The following TECRL variants were observed in gnomAD, a reference collection of about 807,000 sequenced individuals.
The protein encoded by TECRL is trans-2,3-enoyl-CoA reductase like.
A neutral mutation model predicts 52.8 loss-of-function variants in TECRL; 63 were observed. The ratio of observed to expected loss-of-function variants is 1.19; its 90% confidence interval spans 0.97 to 1.47. The LOEUF is 1.47. Ranked by LOEUF, TECRL falls within the 40% of genes most tolerant of loss-of-function variation. The pLI is 0.00. For synonymous variants in TECRL, 164 were observed against 141.9 expected, an observed-to-expected ratio of 1.16 and a Z score of -1.10; for missense variants, 482 against 429.6, an observed-to-expected ratio of 1.12 and a Z score of -1.08.
At chr4:64,313,522 C>G (rs1254254667) in intron 5 of TECRL, among the ~76,000 whole-genome samples, 7 of 146,750 alleles carry the variant, frequency 4.8e-5, no homozygotes, top group Non-Finnish European at 7.5e-5. Flanking sequence ...TTCTCTGTCC[C>G]CCAGGCCGGA....
chr4:64,340,432 C>A (rs1362499094), intron 2 of TECRL, among the ~76,000 whole-genome samples: 1 of 152,242 alleles, frequency 6.6e-6, no homozygotes, highest in African/African-American at 2.4e-5. Flanking sequence ...CTTCTCTCTG[C>A]TCTCAGTGCC....
rs540967360 is a variant in TECRL, at chr4:64,377,551, A to G, written c.235-2328T>C. ...GGAGTTATCTGAAACCCTACATTTG[A>G]AACCTTAATATTCCCTTCATTAATG... On this transcript the variant is annotated intron_variant, in intron 1 of 11. Coordinates refer to ENST00000381210, the MANE Select transcript of TECRL (RefSeq NM_001010874.5). 9.5e-4 allele frequency among the ~76,000 whole-genome samples: 144 copies of G among 152,186 alleles called. 1 individual carries two copies. The highest frequency in any genetic ancestry group is 3.3e-3 in the African/African-American group (139 of 41,578).
At chr4:64,395,596 A>G (rs1009411601) in intron 1 of TECRL, among the ~76,000 whole-genome samples, 1 of 152,206 alleles carries the variant, frequency 6.6e-6, no homozygotes, top group Non-Finnish European at 1.5e-5. Context: ...CAAAACCATA[A>G]AAAGGGCAAA....
At chr4:64,309,746 G>T (rs1577845867) in intron 6 of TECRL, 80 bp downstream of exon 6, 2 of 927,928 alleles carry the variant, frequency 2.2e-6, no homozygotes, top group East Asian at 2.5e-5. Flanking sequence ...GTTTCGGAAG[G>T]AAACAATGAT....
chr4:64,283,307 A>T (rs1905396), intron 9 of TECRL, among the ~76,000 whole-genome samples: 151,997 of 152,134 alleles, frequency 1, 75,930 homozygotes, highest in Non-Finnish European at 1. Flanking sequence ...GGCATTTGCA[A>T]TCCAGAAAAC....
At chr4:64,316,560 G>A (rs905711909) in intron 4 of TECRL, among the ~76,000 whole-genome samples, 1 of 151,958 alleles carries the variant, frequency 6.6e-6, no homozygotes, top group African/African-American at 2.4e-5. Context: ...AGAAAATAAG[G>A]GCTAGATAGA....
At chr4:64,300,918 T>C (rs1723982954) in intron 7 of TECRL, among the ~76,000 whole-genome samples, 1 of 151,066 alleles carries the variant, frequency 6.6e-6, no homozygotes, top group Non-Finnish European at 1.5e-5. Context: ...GTCACTTTAA[T>C]TTTATGTGTG....
intron 2 of TECRL, among the ~76,000 whole-genome samples, chr4:64,341,979 G>A (rs1343067286): frequency 6.6e-6 from 1 of 152,088 alleles, no homozygotes; most frequent in African/African-American, 2.4e-5. Context: ...GTTTCCCTTC[G>A]AGGTGTGGGA....
chr4:64,356,294 A>G (rs75411131), intron 2 of TECRL, among the ~76,000 whole-genome samples: 2,116 of 152,166 alleles, frequency 0.014, 40 homozygotes, highest in African/African-American at 0.047. Context: ...CCCAACACCC[A>G]TGAAGAGTCT....
chr4:64,389,916 T>G (rs1723430964), intron 1 of TECRL, among the ~76,000 whole-genome samples: 1 of 151,900 alleles, frequency 6.6e-6, no homozygotes, highest in Non-Finnish European at 1.5e-5. Flanking sequence ...ACATTGGACT[T>G]AGCTTTTTGG....
chr4:64,376,200 G>A (rs945820708), intron 1 of TECRL, among the ~76,000 whole-genome samples: 7 of 151,598 alleles, frequency 4.6e-5, no homozygotes, highest in Non-Finnish European at 8.9e-5. Context: ...AACATATTTC[G>A]CCTTCTACTT....
At chr4:64,351,068 C>A in intron 2 of TECRL, among the ~76,000 whole-genome samples, 1 of 53,656 alleles carries the variant, frequency 1.9e-5, no homozygotes, top group Non-Finnish European at 5.3e-5. Flanking sequence ...ACAGTTCTCA[C>A]TCATATTTAG....
chr4:64,378,122 A>T (rs992955301), intron 1 of TECRL, among the ~76,000 whole-genome samples: 1 of 152,154 alleles, frequency 6.6e-6, no homozygotes, highest in Non-Finnish European at 1.5e-5. Flanking sequence ...GCAGACACAG[A>T]TACACAGAGA....
chr4:64,282,042 T>C (rs1722855329), intron 9 of TECRL, among the ~76,000 whole-genome samples: 3 of 152,076 alleles, frequency 2.0e-5, no homozygotes, highest in South Asian at 4.1e-4. Flanking sequence ...AGATGTCATT[T>C]ATACCAGAAA....
chr4:64,390,673 T>C (rs1272920978), intron 1 of TECRL, among the ~76,000 whole-genome samples: 2 of 151,800 alleles, frequency 1.3e-5, no homozygotes, highest in Non-Finnish European at 3.0e-5. Flanking sequence ...TTATTAATTA[T>C]ATTGTCCAAG....
chr4:64,322,854 A>T lies in TECRL; in HGVS notation c.332-62T>A, dbSNP rs1329269300. The T allele has an allele frequency of 4.0e-6, 5 of 1,237,340 alleles. No homozygotes were observed. In the Admixed American group the frequency reaches 1.1e-4, roughly 28 times the overall value. 76.6% of individuals were successfully genotyped at this position (1,237,340 alleles called of 1,614,324 possible). ...CAATTTCTTAGCATAACGATAAAGA[A>T]TTTCTTAGTGTAAAATCAGTAAAAG... is the stretch of plus-strand genomic sequence containing the variant. On this transcript the variant is annotated intron_variant, in intron 3 of 11. Transcript: ENST00000381210.
Position 64,375,242 on chromosome 4 carries a change from TAG to T in TECRL, c.235-21_235-20del, listed in dbSNP as rs747071359. 49 of 1,298,372 alleles carry T rather than the reference TAG, an allele frequency of 3.8e-5. No homozygotes were observed. In the African/African-American group the frequency reaches 5.8e-4, roughly 15 times the overall value. The allele number at this position is 1,298,372 out of a possible 1,614,324, so 80.4% of individuals were successfully genotyped here. On this transcript the variant is annotated intron_variant, in intron 1 of 11. Transcript: ENST00000381210. ...GTGTCACCTGAAAAGGAAAAGAAAA[TAG>T]AGTTATTTTTAAAAACTGTTAATTT...
intron 2 of TECRL, among the ~76,000 whole-genome samples, chr4:64,346,924 C>T (rs1720030401): frequency 6.6e-6 from 1 of 152,310 alleles, no homozygotes; most frequent in Admixed American, 6.5e-5. Context: ...TACTGTTTTG[C>T]TTCTCGTTCT....
chr4:64,294,747 A>C (rs185244269), intron 8 of TECRL, among the ~76,000 whole-genome samples: 1 of 152,180 alleles, frequency 6.6e-6, no homozygotes, highest in Admixed American at 6.6e-5. Context: ...AGTTATTATT[A>C]TTTTATCTAT....
Sources: allele counts gnomAD v4.1 joint callset (sites outside exome capture counted in the v4.1 genomes callset), GRCh38; gene constraint gnomAD v4.1.1; transcripts MANE v1.5; gene names NCBI Gene and HGNC (gene_info 2026-07-23, HGNC 2026-07-21).